EYS: variants seen among roughly 807,000 people sequenced by gnomAD.
EYS encodes EGF-like photoreceptor maintenance factor.
In EYS, 250 loss-of-function variants were observed where a neutral mutation model predicts 282.1. The ratio of observed to expected loss-of-function variants is 0.89; its 90% CI spans 0.80 to 0.98. EYS has a LOEUF of 0.98. Ranked by LOEUF, EYS falls within the 50% of genes least tolerant of loss-of-function variation. The probability of loss-of-function intolerance (pLI) is 0.00; values close to 1 mark genes in which losing one functional copy is unlikely to be tolerated. For synonymous variants in EYS, 1,355 were observed against 1,282.9 expected, an observed-to-expected ratio of 1.06 and a Z score of -1.20; for missense variants, 4,016 against 3,709.0, an observed-to-expected ratio of 1.08 and a Z score of -2.15.
In EYS at chr6:63,720,133, T is replaced by C. The variant is rs1303984075; in HGVS notation, c.*463A>G. 1.2e-5 allele frequency: 2 copies of C among 165,650 alleles called. No homozygotes were observed. Among genetic ancestry groups the C allele is most frequent in the East Asian group, 3.3e-4 (2 of 5,980 alleles). 10.3% of individuals were successfully genotyped at this position (165,650 alleles called of 1,614,324 possible). A position where few individuals can be genotyped will look rare whatever the true frequency, so the allele number is the denominator to read the frequency against. On this transcript the variant is annotated 3_prime_UTR_variant, in exon 43 of 43. Transcript: ENST00000503581. Reference sequence around the variant, plus strand: ...TGTAGCTAAGCCATGTAATACAATATGGTTACATTGCTTTGTATAATTTTT... The same window carrying C: ...TGTAGCTAAGCCATGTAATACAATACGGTTACATTGCTTTGTATAATTTTT...
intron 24 of EYS, among the ~76,000 whole-genome samples, chr6:64,614,206 A>G (rs1180704841): frequency 2.0e-5 from 3 of 152,172 alleles, no homozygotes; most frequent in Non-Finnish European, 4.4e-5. Context: ...AAACCAAAAT[A>G]CAACAGGCAA....
intron 12 of EYS, among the ~76,000 whole-genome samples, chr6:65,071,468 T>G (rs1365907509): frequency 6.6e-6 from 1 of 151,794 alleles, no homozygotes. Flanking sequence ...TTTTTAGATT[T>G]CTGTGAATGC....
chr6:63,861,711 C>T (rs1321132247), intron 36 of EYS, among the ~76,000 whole-genome samples: 1 of 152,060 alleles, frequency 6.6e-6, no homozygotes, highest in Non-Finnish European at 1.5e-5. Context: ...GATCATGGGG[C>T]AAAGGTTTCA....
intron 35 of EYS, among the ~76,000 whole-genome samples, chr6:63,917,078 A>G (rs1344340644): frequency 6.6e-6 from 1 of 152,244 alleles, no homozygotes; most frequent in East Asian, 1.9e-4. Flanking sequence ...AAATTTTTCA[A>G]AGATATTTGT....
At chr6:65,706,105 T>C (rs1390393889) in intron 1 of EYS, among the ~76,000 whole-genome samples, 2 of 151,704 alleles carry the variant, frequency 1.3e-5, no homozygotes, top group Non-Finnish European at 2.9e-5. Flanking sequence ...AATATTCATT[T>C]CATATGTATT....
At chr6:65,283,481 C>T (rs750114084) in intron 12 of EYS, among the ~76,000 whole-genome samples, 1 of 151,846 alleles carries the variant, frequency 6.6e-6, no homozygotes, top group Non-Finnish European at 1.5e-5. Flanking sequence ...TTGTTAATAA[C>T]ATCTTTTATT....
chr6:65,063,347 A>G (rs576241608), intron 12 of EYS, among the ~76,000 whole-genome samples: 1 of 152,112 alleles, frequency 6.6e-6, no homozygotes, highest in South Asian at 2.1e-4. Context: ...TATAAACTAC[A>G]TTTATTCTAA....
intron 33 of EYS, among the ~76,000 whole-genome samples, chr6:64,037,501 C>G (rs1449079329): frequency 3.9e-5 from 6 of 152,012 alleles, no homozygotes; most frequent in Non-Finnish European, 8.8e-5. Context: ...AAATAGATTG[C>G]TATAGTCACT....
At chr6:63,879,126 T>C (rs1773061115) in intron 35 of EYS, among the ~76,000 whole-genome samples, 1 of 152,116 alleles carries the variant, frequency 6.6e-6, no homozygotes, top group African/African-American at 2.4e-5. Flanking sequence ...ATATCTAACT[T>C]GATGATTGGT....
At chr6:65,663,318 A>C (rs2149827040) in intron 1 of EYS, among the ~76,000 whole-genome samples, 1 of 152,284 alleles carries the variant, frequency 6.6e-6, no homozygotes, top group Admixed American at 6.5e-5. Context: ...CAGGAGTCAA[A>C]CCCTTAGAAA....
chr6:64,458,307 C>A (rs1054265377), intron 26 of EYS, among the ~76,000 whole-genome samples: 2 of 151,888 alleles, frequency 1.3e-5, no homozygotes, highest in Admixed American at 1.3e-4. Flanking sequence ...TTGCTTAGTA[C>A]CTTTTTTTTA....
intron 13 of EYS, among the ~76,000 whole-genome samples, chr6:65,019,546 G>A (rs558337008): frequency 6.6e-6 from 1 of 152,196 alleles, no homozygotes; most frequent in Admixed American, 6.5e-5. Flanking sequence ...CAACTCATAG[G>A]TTTGTAGTAC....
intron 22 of EYS, among the ~76,000 whole-genome samples, chr6:64,727,820 A>G (rs956004420): frequency 3.9e-5 from 6 of 152,216 alleles, no homozygotes; most frequent in Non-Finnish European, 5.9e-5. Flanking sequence ...ATTTTGTAAA[A>G]TAACTCAGAG....
At chr6:64,824,938 T>C (rs1427936438) in intron 19 of EYS, among the ~76,000 whole-genome samples, 1 of 151,956 alleles carries the variant, frequency 6.6e-6, no homozygotes, top group Non-Finnish European at 1.5e-5. Flanking sequence ...CTAGCCAATG[T>C]GAGCATTTTG....
intron 5 of EYS, among the ~76,000 whole-genome samples, chr6:65,453,685 C>T (rs934877740): frequency 3.3e-5 from 5 of 151,994 alleles, no homozygotes; most frequent in Non-Finnish European, 2.9e-5. Context: ...CTCCCCTCCC[C>T]CCTACAGTCT....
At chr6:63,893,222 CT>C (rs1186416915) in intron 35 of EYS, among the ~76,000 whole-genome samples, 1 of 152,172 alleles carries the variant, frequency 6.6e-6, no homozygotes, top group African/African-American at 2.4e-5. Flanking sequence ...AATCCTAATA[CT>C]GGGTATATAC....
Position 63,721,440 on chromosome 6 carries a change from C to T in EYS, c.8591G>A (p.Gly2864Glu). The T allele has an allele frequency of 6.4e-7, 1 of 1,551,654 alleles. No homozygotes were observed. The highest frequency in any genetic ancestry group is 1.2e-5 in the South Asian group (1 of 84,062). The change falls in exon 43 of 43, where the codon GGA becomes GAA. Residue 2864 changes from glycine to glutamate, a missense_variant. Physicochemically the swap from Gly to Glu is moderately conservative, Grantham distance 98. Transcript: ENST00000503581. ...NNQELQLTEF[G>E]AKGGSNVGDC... The stretch of plus-strand genomic sequence containing the variant: ...ACCTACATTTGAGCCACCTTTTGCT[C>T]CAAATTCAGTTAATTGTAATTCTTG...
At chr6:65,594,123 C>T (rs575000349) in intron 2 of EYS, among the ~76,000 whole-genome samples, 2 of 152,020 alleles carry the variant, frequency 1.3e-5, no homozygotes, top group African/African-American at 4.8e-5. Context: ...GCTTACTTTA[C>T]TATTATCATT....
At chr6:65,050,641 A>G (rs1052389945) in intron 13 of EYS, among the ~76,000 whole-genome samples, 3 of 151,646 alleles carry the variant, frequency 2.0e-5, no homozygotes, top group African/African-American at 7.2e-5. Flanking sequence ...AAGAATCTTT[A>G]GTATAGCTGT....
Sources: allele counts gnomAD v4.1 joint callset (sites outside exome capture counted in the v4.1 genomes callset), GRCh38; gene constraint gnomAD v4.1.1; transcripts MANE v1.5; gene names NCBI Gene and HGNC (gene_info 2026-07-23, HGNC 2026-07-21).